RP1: variants seen among roughly 807,000 people sequenced by gnomAD.
RP1 encodes the protein oxygen-regulated protein 1.
RP1 carries 16 observed loss-of-function variants against 14.8 expected under a neutral mutation model. The ratio of observed to expected loss-of-function variants is 1.08; its 90% CI spans 0.73 to 1.65. The LOEUF (loss-of-function observed/expected upper bound fraction) is 1.65, where lower values mean the gene tolerates loss of function less well. RP1 is among the 40% of genes most tolerant of loss of function. The pLI, the probability that RP1 is intolerant of heterozygous loss-of-function variation, is 0.00. For synonymous variants in RP1, 876 were observed against 883.6 expected (o/e 0.99, Z 0.15); for missense variants, 2,631 against 2,535.0 (o/e 1.04, Z -0.81).
chr8:54,611,287 C>A (rs1347131738), upstream of RP1, among the ~76,000 whole-genome samples: 1 of 152,218 alleles, frequency 6.6e-6, no homozygotes. Flanking sequence ...TATCTCTGCC[C>A]TTTTCTCTTT....
chr8:54,791,836 T>G (rs1021665133), intron 24 of RP1, among the ~76,000 whole-genome samples: 16 of 152,102 alleles, frequency 1.1e-4, no homozygotes, highest in African/African-American at 3.1e-4. Context: ...ATTAACCAAA[T>G]GGCAAAGATA....
intron 12 of RP1, among the ~76,000 whole-genome samples, chr8:54,680,960 A>G (rs1807413920): frequency 1.6e-5 from 2 of 123,142 alleles, no homozygotes; most frequent in Non-Finnish European, 3.8e-5. Context: ...TCTGTCTCGG[A>G]CAAAAAAAAA....
intron 23 of RP1, chr8:54,780,945 A>T (rs2129379664): frequency 1.0e-6 from 1 of 984,956 alleles, no homozygotes; most frequent in East Asian, 1.1e-4. Flanking sequence ...AATATGGAAG[A>T]TCCTGTTAGA....
intron 1 of RP1, among the ~76,000 whole-genome samples, chr8:54,587,291 T>C (rs1331177163): frequency 6.6e-6 from 1 of 152,156 alleles, no homozygotes; most frequent in Non-Finnish European, 1.5e-5. Context: ...CTGGACATGA[T>C]GGTGGGCACC....
At chr8:54,619,896 C>T (rs1453008974) in intron 1 of RP1, among the ~76,000 whole-genome samples, 1 of 152,222 alleles carries the variant, frequency 6.6e-6, no homozygotes, top group Admixed American at 6.5e-5. Flanking sequence ...ATGTCAAGTA[C>T]ATTTTCCTCC....
chr8:54,700,988 C>T (rs529147125), intron 13 of RP1, among the ~76,000 whole-genome samples: 30 of 152,310 alleles, frequency 2.0e-4, no homozygotes, highest in African/African-American at 7.0e-4. Context: ...CCTCTTCACA[C>T]CCTACTGCCT....
In RP1 at chr8:54,671,751, T is replaced by A. The variant is rs542762005; in HGVS notation, c.1324-2099T>A. Among the ~76,000 whole-genome samples, 6 of 152,306 alleles carry A rather than the reference T, an allele frequency of 3.9e-5. No homozygotes were observed. The South Asian group carries it at 1.2e-3, about 32-fold the overall frequency. On this transcript the variant is annotated intron_variant, in intron 7 of 22. Coordinates refer to the RP1 transcript ENST00000636932. The stretch of plus-strand genomic sequence containing the variant: ...TGATTTCATTTAGTTGGTCTCTCTG[T>A]ATTCTTTTTCACTCATTTAGTATTT...
At position 54,734,819 on chromosome 8, in the gene RP1, T is replaced by C; in HGVS notation, c.2721+75T>C. 5.7e-6 allele frequency: 7 copies of C among 1,222,392 alleles called. No homozygotes were observed. In the East Asian group the frequency reaches 1.5e-4, roughly 27 times the overall value. 75.7% of individuals were successfully genotyped at this position (1,222,392 alleles called of 1,614,324 possible). On this transcript the variant is annotated intron_variant, in intron 18 of 22. Transcript: ENST00000636932. ...TCTGTAATGTAGAAGTGTGTGTGTGTGTGTGTGTGTGTCTCCTATATAAAA... is the reference window on the plus strand; with the variant it reads ...TCTGTAATGTAGAAGTGTGTGTGTGCGTGTGTGTGTGTCTCCTATATAAAA...
chr8:54,629,979 T>C lies in RP1; in HGVS notation c.6097T>C (p.Cys2033Arg). The C allele has an allele frequency of 6.2e-7, 1 of 1,614,044 alleles. No homozygotes were observed. Among genetic ancestry groups the C allele is most frequent in the Non-Finnish European group, 8.5e-7 (1 of 1,179,950 alleles). ...TCAACCAGATTTGAAGGAAAGGTTTTGTATGAATTTCTTGCACACATCATT... is the reference window on the plus strand; with the variant it reads ...TCAACCAGATTTGAAGGAAAGGTTTCGTATGAATTTCTTGCACACATCATT... ...KFQPDLKERF[C>R]MNFLHTSLLV... Residue 2033 changes from cysteine (C) to arginine (R), a missense_variant, in exon 4 of 4, where the codon TGT becomes CGT. Cys to Arg is a radical substitution (Grantham distance 180). Coordinates refer to ENST00000220676, the MANE Select transcript of RP1 (RefSeq NM_006269.2).
At chr8:54,762,725 C>T (rs1301767996) in intron 22 of RP1, among the ~76,000 whole-genome samples, 1 of 152,206 alleles carries the variant, frequency 6.6e-6, no homozygotes, top group Non-Finnish European at 1.5e-5. Context: ...TTTTGCAGCT[C>T]CTGGAGGCCA....
intron 19 of RP1, among the ~76,000 whole-genome samples, chr8:54,751,023 G>A (rs937237334): frequency 2.6e-5 from 4 of 152,140 alleles, no homozygotes; most frequent in African/African-American, 9.7e-5. Flanking sequence ...AATAAATCTT[G>A]CTGCTGCTCA....
In RP1 at chr8:54,592,501, G is replaced by C. The variant is rs576113506; in HGVS notation, c.-12-28454G>C. Among the ~76,000 whole-genome samples, 18 of 152,282 alleles carry C rather than the reference G, an allele frequency of 1.2e-4. No homozygotes were observed. In the East Asian group the frequency reaches 3.1e-3, roughly 26 times the overall value. ...TGAAAGGTTTTATATGTTGTTCCTGGAATCTTAAGTTTGAAACTTATTCTT... is the reference window on the plus strand; with the variant it reads ...TGAAAGGTTTTATATGTTGTTCCTGCAATCTTAAGTTTGAAACTTATTCTT... On this transcript the variant is annotated intron_variant, in intron 1 of 22. Coordinates refer to the RP1 transcript ENST00000636932.
intron 19 of RP1, among the ~76,000 whole-genome samples, chr8:54,744,848 G>A (rs1809186058): frequency 6.6e-6 from 1 of 151,992 alleles, no homozygotes; most frequent in Non-Finnish European, 1.5e-5. Flanking sequence ...TATATTGCAT[G>A]GACCATGCTA....
chr8:54,576,854 G>A (rs969342044), intron 1 of RP1, among the ~76,000 whole-genome samples: 1 of 152,068 alleles, frequency 6.6e-6, no homozygotes, highest in Non-Finnish European at 1.5e-5. Flanking sequence ...TTCTAGGTGT[G>A]GACGGTGCTT....
intron 3 of RP1, among the ~76,000 whole-genome samples, chr8:54,644,739 G>T (rs377543009): frequency 1.3e-5 from 2 of 152,136 alleles, no homozygotes; most frequent in South Asian, 4.1e-4. Context: ...ATAAATTGGT[G>T]CCTTCAAACA....
intron 12 of RP1, chr8:54,680,044 A>T: frequency 7.3e-7 from 1 of 1,372,332 alleles, no homozygotes; most frequent in Non-Finnish European, 9.5e-7. Flanking sequence ...AGATGGCTTT[A>T]CACAAGTGTT....
chr8:54,622,169 G>A lies in RP1; in HGVS notation c.668G>A (p.Gly223Glu). 1 of 1,614,182 alleles carries A rather than the reference G, an allele frequency of 6.2e-7. No homozygotes were observed. Among genetic ancestry groups the A allele is most frequent in the South Asian group, 1.1e-5 (1 of 91,082 alleles). Residue 223 changes from glycine (G) to glutamate (E), a missense_variant, in exon 3 of 4, where the codon GGA becomes GAA. Transcript: ENST00000220676. Reference sequence around the variant, plus strand: ...AGCTCTGGAGCTGTGGTGGCGGCAGGAAGGGAGCCATTTAAACCAGGAAAT... The same window carrying A: ...AGCTCTGGAGCTGTGGTGGCGGCAGAAAGGGAGCCATTTAAACCAGGAAAT... ...ILSSGAVVAA[G>E]REPFKPGNYD...
intron 1 of RP1, among the ~76,000 whole-genome samples, chr8:54,590,623 C>A (rs2129300710): frequency 6.6e-6 from 1 of 152,322 alleles, no homozygotes; most frequent in South Asian, 2.1e-4. Context: ...AGGACGTTAT[C>A]TTAGGCTCTC....
chr8:54,805,126 A>G (rs1810816627), intron 24 of RP1, among the ~76,000 whole-genome samples: 1 of 152,252 alleles, frequency 6.6e-6, no homozygotes, highest in Non-Finnish European at 1.5e-5. Context: ...AGAAATCTGA[A>G]CAAAACATTT....
Sources: allele counts gnomAD v4.1 joint callset (sites outside exome capture counted in the v4.1 genomes callset), GRCh38; gene constraint gnomAD v4.1.1; transcripts MANE v1.5; gene names NCBI Gene and HGNC (gene_info 2026-07-23, HGNC 2026-07-21).